The following GNPTG variants were observed in gnomAD, a reference collection of about 807,000 sequenced individuals.
GNPTG encodes the protein N-acetylglucosamine-1-phosphotransferase subunit gamma.
A neutral mutation model predicts 43.8 loss-of-function variants in GNPTG; 46 were observed. That is an observed-to-expected ratio of 1.05 (90% CI 0.83 to 1.34). The LOEUF (loss-of-function observed/expected upper bound fraction) is 1.34. Ranked by LOEUF, GNPTG falls within the 40% of genes most tolerant of loss-of-function variation. The probability of loss-of-function intolerance (pLI) is 0.00; values close to 1 mark genes in which losing one functional copy is unlikely to be tolerated. For synonymous variants in GNPTG, 250 were observed against 172.8 expected, an observed-to-expected ratio of 1.45 and a Z score of -3.50; for missense variants, 549 against 411.3, an observed-to-expected ratio of 1.33 and a Z score of -2.90.
At chr16:1,356,021 G>C (rs1357649500) in intron 3 of GNPTG, among the ~76,000 whole-genome samples, 6 of 151,960 alleles carry the variant, frequency 3.9e-5, no homozygotes, top group Non-Finnish European at 7.4e-5. Context: ...GGGTTGTGGA[G>C]GTTGGGAGGG....
rs1245779029 is a variant in GNPTG, at chr16:1,363,199, CAA to C, written c.*111_*112del. ...CCAGGCTTGTGCTCAGAGAAGCAGA[CAA>C]AACAAAGATTCAAGGTTTTAATTAA... On this transcript the variant is annotated 3_prime_UTR_variant, in exon 11 of 11. Transcript: ENST00000204679. The C allele has an allele frequency of 1.1e-6, 1 of 904,798 alleles. No individual in the cohort carries two copies. The highest frequency in any genetic ancestry group is 1.8e-6 in the Non-Finnish European group (1 of 566,036). 56.0% of individuals were successfully genotyped at this position (904,798 alleles called of 1,614,324 possible). A position where few individuals can be genotyped will look rare whatever the true frequency, so the allele number is the denominator to read the frequency against.
rs747918283 is a variant in GNPTG, at chr16:1,362,456, C to T, written c.531C>T (p.Tyr177=). Residue 177 remains tyrosine (Y), a synonymous_variant, in exon 8 of 11, where the codon TAC becomes TAT. Coordinates refer to ENST00000204679, the MANE Select transcript of GNPTG (RefSeq NM_032520.5). ...TGGCTTCTCTTGGGTCCTCAGTGTACCCAACCCTGCCAGAGGCCCTGCAGC... is the reference window on the plus strand; with the variant it reads ...TGGCTTCTCTTGGGTCCTCAGTGTATCCAACCCTGCCAGAGGCCCTGCAGC... ...LVCHPHALLV[Y]PTLPEALQRQ... 2.5e-6 allele frequency: 4 copies of T among 1,613,910 alleles called. No homozygotes were observed. Among genetic ancestry groups the T allele is most frequent in the Non-Finnish European group, 3.4e-6 (4 of 1,179,954 alleles).
At position 1,362,622 on chromosome 16, in the gene GNPTG, G is replaced by T; in HGVS notation, c.621G>T (p.Lys207Asn). 1.2e-6 allele frequency: 2 copies of T among 1,614,204 alleles called. No individual in the cohort carries two copies. The highest frequency in any genetic ancestry group is 1.7e-6 in the Non-Finnish European group (2 of 1,180,040). Residue 207 changes from lysine to asparagine, a missense_variant, in exon 9 of 11, where the codon AAG (lysine) becomes AAT (asparagine). Coordinates refer to ENST00000204679, the MANE Select transcript of GNPTG (RefSeq NM_032520.5). ...TCCTCCACCTTCAGGGCCATGAGAA[G>T]TTGCTGAGGACACTTTTTGAGGATG... ...DELITPQGHE[K>N]LLRTLFEDAG...
chr16:1,353,790 T>A (rs776053308), intron 3 of GNPTG, among the ~76,000 whole-genome samples: 13 of 152,078 alleles, frequency 8.5e-5, no homozygotes, highest in Non-Finnish European at 1.9e-4. Flanking sequence ...GGGGATTGCT[T>A]TAAATAGGGT....
At position 1,361,584 on chromosome 16, in the gene GNPTG, A is replaced by T. The variant is rs935368098; in HGVS notation, c.179-159A>T. ...GCGTGAACATGGGAGGCGGAGCTTGAAGTGAGCCAAGATCATGCCACTGCA... is the reference window on the plus strand; with the variant it reads ...GCGTGAACATGGGAGGCGGAGCTTGTAGTGAGCCAAGATCATGCCACTGCA... On this transcript the variant is annotated intron_variant, in intron 3 of 10. Transcript: ENST00000204679. 7 of 731,676 alleles carry T rather than the reference A, an allele frequency of 9.6e-6. No individual in the cohort carries two copies. In the South Asian group the frequency reaches 1.1e-4, roughly 11 times the overall value. The allele number at this position is 731,676 out of a possible 1,614,324, so 45.3% of individuals were successfully genotyped here.
intron 3 of GNPTG, among the ~76,000 whole-genome samples, chr16:1,360,199 T>C (rs1028525635): frequency 4.6e-5 from 7 of 152,238 alleles, no homozygotes; most frequent in Non-Finnish European, 7.3e-5. Context: ...TCTTGGCACA[T>C]TGACCCTTTT....
chr16:1,362,166 C>T (rs2141862765), intron 6 of GNPTG, 35 bp downstream of exon 6: 6 of 1,613,092 alleles, frequency 3.7e-6, no homozygotes, highest in Non-Finnish European at 4.2e-6. Context: ...GAAGAGGGGC[C>T]CCAGTCTCCC....
At chr16:1,355,393 G>A (rs2034759021) in intron 3 of GNPTG, among the ~76,000 whole-genome samples, 1 of 152,186 alleles carries the variant, frequency 6.6e-6, no homozygotes, top group African/African-American at 2.4e-5. Context: ...CGTGGTGATT[G>A]TGGCCTAGGG....
intron 3 of GNPTG, among the ~76,000 whole-genome samples, chr16:1,355,629 T>G (rs1008480117): frequency 6.6e-6 from 1 of 151,904 alleles, no homozygotes; most frequent in African/African-American, 2.4e-5. Context: ...ACGGTCAGTG[T>G]GGTGGTCCTG....
At chr16:1,358,268 C>T (rs1339657702) in intron 3 of GNPTG, 1 of 152,466 alleles carries the variant, frequency 6.6e-6, no homozygotes, top group Non-Finnish European at 1.5e-5. Context: ...CCCCTTCAAA[C>T]CCTGACTCCC....
chr16:1,360,452 C>T (rs919537168), intron 3 of GNPTG, among the ~76,000 whole-genome samples: 1 of 152,088 alleles, frequency 6.6e-6, no homozygotes, highest in African/African-American at 2.4e-5. Flanking sequence ...AGTGAAACCC[C>T]GCCTCTGCTG....
At chr16:1,354,886 A>G (rs2034747573) in intron 3 of GNPTG, among the ~76,000 whole-genome samples, 1 of 151,884 alleles carries the variant, frequency 6.6e-6, no homozygotes. Context: ...CTGGGCGTGG[A>G]TACTCCCCCG....
chr16:1,363,158 C>G lies in GNPTG; in HGVS notation c.*67C>G, dbSNP rs901014889. On this transcript the variant is annotated 3_prime_UTR_variant, in exon 11 of 11. Coordinates refer to ENST00000204679, the MANE Select transcript of GNPTG (RefSeq NM_032520.5). ...TACAGAGAAGCTGGCTGGTAGGACC[C>G]GCAGGGACCAGCTGACCAGGCTTGT... 2 of 1,393,910 alleles carry G rather than the reference C, an allele frequency of 1.4e-6. No homozygotes were observed. Among genetic ancestry groups the G allele is most frequent in the African/African-American group, 2.8e-5 (2 of 70,368 alleles). The allele number at this position is 1,393,910 out of a possible 1,614,324, so 86.3% of individuals were successfully genotyped here.
At chr16:1,362,181 C>T (rs1425622477) in intron 6 of GNPTG, 25 bp from the exon 7 acceptor site, 1 of 1,613,334 alleles carries the variant, frequency 6.2e-7, no homozygotes, top group Non-Finnish European at 8.5e-7. Flanking sequence ...TCTCCCCAAC[C>T]CACCTACCCA....
Position 1,351,976 on chromosome 16 carries a change from G to A in GNPTG, c.11G>A (p.Gly4Glu), listed in dbSNP as rs574801192. 1.1e-5 allele frequency: 15 copies of A among 1,369,344 alleles called. No homozygotes were observed. In the South Asian group the frequency reaches 2.4e-4, roughly 22 times the overall value. The allele number at this position is 1,369,344 out of a possible 1,614,324, so 84.8% of individuals were successfully genotyped here. The change falls in exon 1 of 11, where the codon GGG (glycine) becomes GAG (glutamate). Residue 4 changes from glycine (G) to glutamate (E), a missense_variant. Physicochemically the swap from Gly to Glu is moderately conservative, Grantham distance 98. Transcript: ENST00000204679. Reference protein sequence around the residue: MAAGLARLLLLLGL... With the variant: MAAELARLLLLLGL... The stretch of plus-strand genomic sequence containing the variant: ...GGCCGCTGCGGCGCGATGGCGGCGG[G>A]GCTGGCGCGGCTCCTGTTGCTCCTC...
chr16:1,363,158 C>A lies in GNPTG; in HGVS notation c.*67C>A. The stretch of plus-strand genomic sequence containing the variant: ...TACAGAGAAGCTGGCTGGTAGGACC[C>A]GCAGGGACCAGCTGACCAGGCTTGT... On this transcript the variant is annotated 3_prime_UTR_variant, in exon 11 of 11. Coordinates refer to ENST00000204679, the MANE Select transcript of GNPTG (RefSeq NM_032520.5). 7.2e-7 allele frequency: 1 copy of A among 1,394,026 alleles called. No individual in the cohort carries two copies. The highest frequency in any genetic ancestry group is 1.0e-6 in the Non-Finnish European group (1 of 995,366). 86.4% of individuals were successfully genotyped at this position (1,394,026 alleles called of 1,614,324 possible).
chr16:1,353,434 A>C (rs747996846), intron 3 of GNPTG, among the ~76,000 whole-genome samples: 4 of 152,252 alleles, frequency 2.6e-5, no homozygotes, highest in Non-Finnish European at 4.4e-5. Flanking sequence ...GATAAAATAC[A>C]TAGAATGGCC....
chr16:1,361,820 G>C, intron 4 of GNPTG, 23 bp downstream of exon 4: 1 of 1,614,030 alleles, frequency 6.2e-7, no homozygotes, highest in Non-Finnish European at 8.5e-7. Context: ...TGGGTGCGAG[G>C]GTGGGCTGGG....
At chr16:1,356,280 T>G (rs2141856131) in intron 3 of GNPTG, among the ~76,000 whole-genome samples, 1 of 152,184 alleles carries the variant, frequency 6.6e-6, no homozygotes, top group African/African-American at 2.4e-5. Context: ...GCGAGTGTCC[T>G]GGCCATGCAG....
Sources: gnomAD v4.1 joint callset for allele counts (sites outside exome capture counted in the v4.1 genomes callset) on GRCh38, gnomAD v4.1.1 for gene constraint, MANE v1.5 for transcripts, NCBI Gene and HGNC (gene_info 2026-07-23, HGNC 2026-07-21) for gene names.